The following RIMS2 variants were observed in gnomAD, a reference collection of about 807,000 sequenced individuals.
The protein encoded by RIMS2 is regulating synaptic membrane exocytosis 2.
A neutral mutation model predicts 174.4 loss-of-function variants in RIMS2; 59 were observed. The observed-to-expected ratio is 0.34, with a 90% CI of 0.27 to 0.42. The LOEUF (loss-of-function observed/expected upper bound fraction) is 0.42, where lower values mean the gene tolerates loss of function less well. Among genes scored for constraint, RIMS2 ranks in the 10% least tolerant of loss-of-function variants. The pLI is 1.00. For synonymous variants in RIMS2, 606 were observed against 572.5 expected (o/e 1.06, Z -0.84); for missense variants, 1,620 against 1,666.3 (o/e 0.97, Z 0.48).
At chr8:103,548,740 C>A (rs535047709) in intron 1 of RIMS2, among the ~76,000 whole-genome samples, 1 of 152,124 alleles carries the variant, frequency 6.6e-6, no homozygotes, top group African/African-American at 2.4e-5. Flanking sequence ...TTTCTCTTTG[C>A]CAACAATATG....
At chr8:104,000,838 G>A (rs984733816) in intron 17 of RIMS2, among the ~76,000 whole-genome samples, 1 of 151,586 alleles carries the variant, frequency 6.6e-6, no homozygotes, top group Non-Finnish European at 1.5e-5. Context: ...TTATATACCT[G>A]TTGGCCATTG....
At chr8:104,207,789 G>A (rs1295543333) in intron 19 of RIMS2, among the ~76,000 whole-genome samples, 1 of 151,026 alleles carries the variant, frequency 6.6e-6, no homozygotes, top group Non-Finnish European at 1.5e-5. Context: ...CTACAGTCTG[G>A]ACAACAAGAG....
At chr8:103,700,094 G>T (rs368880543) in intron 2 of RIMS2, among the ~76,000 whole-genome samples, 5 of 152,080 alleles carry the variant, frequency 3.3e-5, no homozygotes, top group Admixed American at 2.0e-4. Context: ...CAGTTTCGTT[G>T]ATAGAGTCAT....
At chr8:103,977,106 A>G (rs948586907) in intron 16 of RIMS2, 5 of 152,202 alleles carry the variant, frequency 3.3e-5, no homozygotes, top group African/African-American at 1.2e-4. Flanking sequence ...ATTTTAATTG[A>G]GTCTTAATTT....
intron 19 of RIMS2, 91 bp downstream of exon 24, chr8:104,093,734 G>A: frequency 1.0e-6 from 1 of 974,612 alleles, no homozygotes; most frequent in South Asian, 1.9e-5. Context: ...ATTTCTAACA[G>A]GTTAATATAT....
At chr8:103,803,185 A>G (rs1318657467) in intron 3 of RIMS2, among the ~76,000 whole-genome samples, 3 of 152,174 alleles carry the variant, frequency 2.0e-5, no homozygotes, top group Admixed American at 1.3e-4. Context: ...TTTTATAAAA[A>G]TAATTATTAT....
At chr8:103,538,380 A>T (rs1206775475) in intron 1 of RIMS2, among the ~76,000 whole-genome samples, 1 of 152,180 alleles carries the variant, frequency 6.6e-6, no homozygotes. Context: ...GTATTTGGTT[A>T]CATGAGTAAG....
intron 2 of RIMS2, among the ~76,000 whole-genome samples, chr8:103,748,840 G>A (rs1231813778): frequency 6.6e-6 from 1 of 150,882 alleles, no homozygotes; most frequent in Non-Finnish European, 1.5e-5. Context: ...TACTCTTGTT[G>A]CCCAAGCTGG....
At chr8:103,967,658 T>C (rs2092260070) in intron 15 of RIMS2, among the ~76,000 whole-genome samples, 1 of 152,100 alleles carries the variant, frequency 6.6e-6, no homozygotes, top group Non-Finnish European at 1.5e-5. Context: ...GATTCATCTA[T>C]TTCTCTATGC....
chr8:103,989,094 CT>C (rs532319301), intron 16 of RIMS2, among the ~76,000 whole-genome samples: 14 of 152,120 alleles, frequency 9.2e-5, no homozygotes, highest in Non-Finnish European at 1.9e-4. Context: ...ATTTGAGCTC[CT>C]TGTGCTGCAT....
intron 19 of RIMS2, chr8:104,223,732 C>G: frequency 2.5e-6 from 4 of 1,594,186 alleles, no homozygotes; most frequent in Non-Finnish European, 3.4e-6. Context: ...GCCTGTCTGC[C>G]TCCTTCGAGG....
chr8:103,995,889 A>AT (rs1380439929), intron 17 of RIMS2, among the ~76,000 whole-genome samples: 3 of 151,930 alleles, frequency 2.0e-5, no homozygotes, highest in Non-Finnish European at 4.4e-5. Flanking sequence ...AATCTGAGTT[A>AT]TTTAGGCATC....
At chr8:103,660,858 A>C (rs1028195164) in intron 1 of RIMS2, among the ~76,000 whole-genome samples, 1 of 152,252 alleles carries the variant, frequency 6.6e-6, no homozygotes, top group Non-Finnish European at 1.5e-5. Context: ...AAAGCAGCAA[A>C]GTACTTATTG....
At chr8:103,567,701 T>C in intron 1 of RIMS2, among the ~76,000 whole-genome samples, 1 of 152,194 alleles carries the variant, frequency 6.6e-6, no homozygotes, top group East Asian at 1.9e-4. Flanking sequence ...TGCTGGGTCA[T>C]ATGGTAACTC....
At chr8:103,599,692 C>T (rs962406446) in intron 1 of RIMS2, among the ~76,000 whole-genome samples, 1 of 151,906 alleles carries the variant, frequency 6.6e-6, no homozygotes, top group Non-Finnish European at 1.5e-5. Flanking sequence ...CTCAAGTGAT[C>T]CTCTTGCCTT....
At chr8:103,545,643 A>G (rs1040103066) in intron 1 of RIMS2, among the ~76,000 whole-genome samples, 1 of 152,232 alleles carries the variant, frequency 6.6e-6, no homozygotes, top group Non-Finnish European at 1.5e-5. Flanking sequence ...CACACCCCCT[A>G]CAAAGGGAAC....
rs183974046 is a variant in RIMS2 at position 103,633,487 on chromosome 8, C to T, written c.177-63599C>T. 1.6e-3 allele frequency among the ~76,000 whole-genome samples: 240 copies of T among 152,122 alleles called. 2 individuals are homozygous for T. The highest frequency in any genetic ancestry group is 5.3e-3 in the African/African-American group (218 of 41,456). On this transcript the variant is annotated intron_variant, in intron 1 of 23. Coordinates refer to ENST00000504942, the Ensembl canonical transcript of RIMS2. ...ATATCATGTTCATCAACAATTTTGG[C>T]CTGAAGTTTTCTTTTTCTCTTGTCT...
chr8:104,079,621 A>ATATT (rs1445374453), intron 19 of RIMS2, among the ~76,000 whole-genome samples: 4 of 133,404 alleles, frequency 3.0e-5, no homozygotes, highest in Non-Finnish European at 6.5e-5. Context: ...ATATATATAT[A>ATATT]TATATATATA....
At chr8:103,506,539 C>T (rs7341682) in intron 1 of RIMS2, among the ~76,000 whole-genome samples, 10,006 of 151,854 alleles carry the variant, frequency 0.066, 1,098 homozygotes, top group African/African-American at 0.23. Flanking sequence ...CTCATCTATA[C>T]TATTTGAGTA....
Sources: gnomAD v4.1 joint callset for allele counts (sites outside exome capture counted in the v4.1 genomes callset) on GRCh38, gnomAD v4.1.1 for gene constraint, MANE v1.5 for transcripts, NCBI Gene and HGNC (gene_info 2026-07-23, HGNC 2026-07-21) for gene names.